CLASP1: variants seen among roughly 807,000 people sequenced by gnomAD.
The protein encoded by CLASP1 is CLIP-associating protein 1.
CLASP1 carries 38 observed loss-of-function variants against 192.3 expected under a neutral mutation model. The observed-to-expected ratio is 0.20, with a 90% CI of 0.15 to 0.26. The LOEUF (loss-of-function observed/expected upper bound fraction) is 0.26. Ranked by LOEUF, CLASP1 falls within the 10% of genes least tolerant of loss-of-function variation. CLASP1 has a pLI of 1.00. For missense variants in CLASP1, 1,433 were observed against 1,932.5 expected, an observed-to-expected ratio of 0.74 and a Z score of 4.85; for synonymous variants, 691 against 712.8, an observed-to-expected ratio of 0.97 and a Z score of 0.49.
intron 7 of CLASP1, chr2:121,512,988 T>A (rs749882023): frequency 6.6e-6 from 1 of 152,230 alleles, no homozygotes; most frequent in East Asian, 1.9e-4. Flanking sequence ...CTCACAAAAT[T>A]ACTAAAAAAT....
intron 2 of CLASP1, among the ~76,000 whole-genome samples, chr2:121,572,076 T>G (rs2060025120): frequency 6.6e-6 from 1 of 152,044 alleles, no homozygotes; most frequent in African/African-American, 2.4e-5. Context: ...ATCTGATTCC[T>G]ATAGCAGAGG....
At chr2:121,457,581 A>T in intron 14 of CLASP1, 106 bp downstream of exon 14, 1 of 796,364 alleles carries the variant, frequency 1.3e-6, no homozygotes, top group Non-Finnish European at 2.1e-6. Flanking sequence ...GATTTTAAGT[A>T]ATACTAAGCA....
exon 39 of CLASP1, chr2:121,347,079 C>T: frequency 1.9e-6 from 3 of 1,585,334 alleles, no homozygotes; most frequent in Non-Finnish European, 2.6e-6. Flanking sequence ...TTCAGGTCTT[C>T]TCCGATTACG....
intron 2 of CLASP1, chr2:121,530,715 C>A: frequency 2.0e-6 from 1 of 508,244 alleles, no homozygotes; most frequent in Non-Finnish European, 3.5e-6. Flanking sequence ...GCTTTTGCGA[C>A]CCTTCGGGAG....
intron 22 of CLASP1, among the ~76,000 whole-genome samples, chr2:121,424,451 T>A (rs543490555): frequency 1.3e-5 from 2 of 152,332 alleles, no homozygotes; most frequent in East Asian, 3.9e-4. Flanking sequence ...AGTCATAGAG[T>A]ATGAATTTAG....
rs2057902240 is a variant in CLASP1 at position 121,550,146 on chromosome 2, A to G, written c.196-19821T>C. ...AAATTATACGACATGCTCTTGAAAG[A>G]CTTTAGGGTAAATAAAGAAATTAAG... On this transcript the variant is annotated intron_variant, in intron 2 of 39. Coordinates refer to ENST00000263710, the Ensembl canonical transcript of CLASP1. Among the ~76,000 whole-genome samples the G allele has an allele frequency of 2.0e-5, 3 of 152,176 alleles. No homozygotes were observed. The South Asian group carries it at 6.2e-4, about 32-fold the overall frequency.
intron 2 of CLASP1, among the ~76,000 whole-genome samples, chr2:121,534,558 G>C (rs2094991069): frequency 6.6e-6 from 1 of 151,944 alleles, no homozygotes; most frequent in Non-Finnish European, 1.5e-5. Context: ...GTTTTTTTGA[G>C]ACAGAGTCTC....
intron 2 of CLASP1, among the ~76,000 whole-genome samples, chr2:121,572,250 A>G (rs1238969649): frequency 6.6e-6 from 1 of 152,080 alleles, no homozygotes; most frequent in Admixed American, 6.5e-5. Context: ...AACACGGTGA[A>G]ACCCCGTCTC....
chr2:121,627,545 G>A (rs1023725073), intron 1 of CLASP1, among the ~76,000 whole-genome samples: 4 of 152,326 alleles, frequency 2.6e-5, no homozygotes, highest in South Asian at 2.1e-4. Context: ...CTACAACAGT[G>A]AAACAAATAT....
intron 1 of CLASP1, among the ~76,000 whole-genome samples, chr2:121,640,479 A>G (rs918762322): frequency 1.3e-5 from 2 of 152,240 alleles, no homozygotes; most frequent in Non-Finnish European, 2.9e-5. Flanking sequence ...GGATTGTCTA[A>G]GGTTAGATTT....
At chr2:121,593,782 G>T in intron 2 of CLASP1, among the ~76,000 whole-genome samples, 1 of 151,604 alleles carries the variant, frequency 6.6e-6, no homozygotes, top group East Asian at 1.9e-4. Context: ...AGGCCGAGGT[G>T]GGTGGATCAC....
intron 2 of CLASP1, among the ~76,000 whole-genome samples, chr2:121,547,506 C>G (rs2057579989): frequency 6.6e-6 from 1 of 151,840 alleles, no homozygotes; most frequent in South Asian, 2.1e-4. Context: ...TGGGGTGGAG[C>G]CCACAGGAGA....
intron 2 of CLASP1, among the ~76,000 whole-genome samples, chr2:121,578,918 T>C (rs2060841564): frequency 6.6e-6 from 1 of 152,162 alleles, no homozygotes; most frequent in Admixed American, 6.6e-5. Context: ...TCTTCCTCCA[T>C]ATAAATACCA....
chr2:121,469,775 G>T, intron 9 of CLASP1, 33 bp downstream of exon 9: 1 of 1,576,290 alleles, frequency 6.3e-7, no homozygotes, highest in South Asian at 1.2e-5. Context: ...TGGCATAGCT[G>T]ACCCCAGAAC....
intron 2 of CLASP1, among the ~76,000 whole-genome samples, chr2:121,537,024 C>T (rs2095102042): frequency 6.6e-6 from 1 of 152,180 alleles, no homozygotes; most frequent in South Asian, 2.1e-4. Context: ...AATAAAAATG[C>T]TCTAAAATTA....
At chr2:121,373,169 G>A (rs543248231) in intron 34 of CLASP1, among the ~76,000 whole-genome samples, 3 of 152,278 alleles carry the variant, frequency 2.0e-5, no homozygotes, top group East Asian at 1.9e-4. Flanking sequence ...TCATGATAGT[G>A]AGTGAGTTCT....
intron 1 of CLASP1, among the ~76,000 whole-genome samples, chr2:121,630,728 G>GT (rs1311433292): frequency 3.9e-5 from 6 of 151,912 alleles, no homozygotes; most frequent in Admixed American, 1.3e-4. Flanking sequence ...GCCGGGCATG[G>GT]TGGTGGATGC....
intron 35 of CLASP1, 137 bp from the exon 37 acceptor site, chr2:121,365,421 C>T (rs2067198154): frequency 2.5e-6 from 2 of 811,850 alleles, no homozygotes; most frequent in Admixed American, 4.3e-5. Context: ...CCCCTCCCAC[C>T]CTCCGCCCTG....
chr2:121,389,563 G>C (rs987328814), intron 30 of CLASP1, among the ~76,000 whole-genome samples: 3 of 151,868 alleles, frequency 2.0e-5, no homozygotes, highest in African/African-American at 7.3e-5. Context: ...TTGTAGCAGG[G>C]AAAACACATC....
Sources: gnomAD v4.1 joint callset for allele counts (sites outside exome capture counted in the v4.1 genomes callset) on GRCh38, gnomAD v4.1.1 for gene constraint, MANE v1.5 for transcripts, NCBI Gene and HGNC (gene_info 2026-07-23, HGNC 2026-07-21) for gene names.